The following PRDM16 variants were observed in gnomAD, a reference collection of about 807,000 sequenced individuals.
The protein encoded by PRDM16 is histone-lysine N-methyltransferase PRDM16.
A neutral mutation model predicts 110.6 loss-of-function variants in PRDM16; 23 were observed. The observed-to-expected ratio is 0.21, with a 90% CI of 0.15 to 0.29. The LOEUF is 0.29. Ranked by LOEUF, PRDM16 falls within the 10% of genes least tolerant of loss-of-function variation. The pLI is 1.00. For synonymous variants in PRDM16, 799 were observed against 781.8 expected (o/e 1.02, Z -0.37); for missense variants, 1,615 against 1,794.3 (o/e 0.90, Z 1.81).
intron 1 of PRDM16, chr1:3,133,745 T>C (rs1168640808): frequency 1.3e-5 from 2 of 152,174 alleles, no homozygotes; most frequent in African/African-American, 2.4e-5. Context: ...CCCCTTCATG[T>C]GAGGGAGAAA....
chr1:3,379,291 C>G (rs551792101), intron 3 of PRDM16, among the ~76,000 whole-genome samples: 2 of 29,716 alleles, frequency 6.7e-5, no homozygotes. Flanking sequence ...TCCCAACACA[C>G]CCCTCCCAGC....
chr1:3,427,731 C>T lies in PRDM16; in HGVS notation c.3284+1506C>T, dbSNP rs998833957. Among the ~76,000 whole-genome samples, 15 of 152,262 alleles carry T rather than the reference C, an allele frequency of 9.9e-5. No homozygotes were observed. The Middle Eastern group carries it at 0.01, about 104-fold the overall frequency. On this transcript the variant is annotated intron_variant, in intron 14 of 16. Transcript: ENST00000270722. ...CATCTTCATCCATCAGAGCCCAGAG[C>T]GGGCTCAGAGGAAGGGGCGGGGGGA...
In PRDM16 at chr1:3,341,662, T is replaced by C. The variant is rs76984977; in HGVS notation, c.439-43490T>C. ...TGGAGAAGTGATCATAATAATTCAA[T>C]AGAAAACATACGTCGGGTTTTGAGT... On this transcript the variant is annotated intron_variant, in intron 3 of 16. Transcript: ENST00000270722. 9.2e-5 allele frequency among the ~76,000 whole-genome samples: 14 copies of C among 152,334 alleles called. No individual in the cohort carries two copies. The East Asian group carries it at 2.7e-3, about 29-fold the overall frequency.
At chr1:3,259,660 T>C (rs1640120652) in intron 3 of PRDM16, among the ~76,000 whole-genome samples, 1 of 152,102 alleles carries the variant, frequency 6.6e-6, no homozygotes, top group South Asian at 2.1e-4. Flanking sequence ...CAGTGAAGTG[T>C]TTTGCAGCGT....
intron 1 of PRDM16, among the ~76,000 whole-genome samples, chr1:3,138,687 A>G (rs1304161101): frequency 1.3e-5 from 2 of 152,220 alleles, no homozygotes; most frequent in Non-Finnish European, 2.9e-5. Flanking sequence ...GGGGCAAGAC[A>G]GCGTTCCAGA....
chr1:3,087,120 G>C (rs545508581), intron 1 of PRDM16, among the ~76,000 whole-genome samples: 2 of 152,134 alleles, frequency 1.3e-5, no homozygotes, highest in East Asian at 3.9e-4. Flanking sequence ...GGAGGTGAAG[G>C]GTTAACGTGA....
intron 1 of PRDM16, among the ~76,000 whole-genome samples, chr1:3,122,976 T>C (rs1643127550): frequency 2.0e-5 from 3 of 152,096 alleles, no homozygotes; most frequent in Admixed American, 2.0e-4. Context: ...GGGGTCTTGG[T>C]GCTCAGGGCA....
intron 3 of PRDM16, among the ~76,000 whole-genome samples, chr1:3,323,102 T>C (rs1641799595): frequency 6.6e-6 from 1 of 152,234 alleles, no homozygotes; most frequent in Non-Finnish European, 1.5e-5. Context: ...TAGTGTACTG[T>C]GTGCACTTGG....
chr1:3,091,763 C>T lies in PRDM16; in HGVS notation c.37+22467C>T, dbSNP rs1219260911. Among the ~76,000 whole-genome samples the T allele has an allele frequency of 5.3e-5, 8 of 152,232 alleles. No individual in the cohort carries two copies. In the South Asian group the frequency reaches 1.2e-3, roughly 24 times the overall value. ...TCCATAGATATATGGGTCGTGAGCT[C>T]GGGGTGTAGCCAGCTGCTCCAAGTG... On this transcript the variant is annotated intron_variant, in intron 1 of 16. Transcript: ENST00000270722.
Position 3,190,199 on chromosome 1 carries a change from G to A in PRDM16, c.387+3725G>A, listed in dbSNP as rs967868534. ...CCTTACTTCAAGGTCGTGGGGCAGC[G>A]TTACTTCAAGGTCGTGGGGCAGCCT... On this transcript the variant is annotated intron_variant, in intron 2 of 16. Transcript: ENST00000270722. This position sits in a 1 kb window ranked among gnomAD's most constrained non-coding sequence, Gnocchi z 5.0. 2.3e-4 allele frequency among the ~76,000 whole-genome samples: 34 copies of A among 144,972 alleles called. 2 individuals carry two copies. The South Asian group carries it at 4.6e-3, about 19-fold the overall frequency.
intron 1 of PRDM16, among the ~76,000 whole-genome samples, chr1:3,153,796 G>A (rs751793600): frequency 4.9e-4 from 75 of 152,200 alleles, no homozygotes; most frequent in Non-Finnish European, 4.6e-4. Flanking sequence ...AGCGTGGAAC[G>A]CAAAGTAATA....
In PRDM16 at chr1:3,201,644, A is replaced by C. The variant is rs1638629883; in HGVS notation, c.387+15170A>C. Among the ~76,000 whole-genome samples the C allele has an allele frequency of 6.6e-6, 1 of 152,184 alleles. No individual in the cohort carries two copies. Among genetic ancestry groups the C allele is most frequent in the Admixed American group, 6.5e-5 (1 of 15,282 alleles). ...GGAGCCCCGGCTCTGACGTTTCTCC[A>C]GTGACCCCTGGCAGGTCGGGGACCC... On this transcript the variant is annotated intron_variant, in intron 2 of 16. Transcript: ENST00000270722. This position sits in a 1 kb window ranked among gnomAD's most constrained non-coding sequence, Gnocchi z 4.1.
Position 3,434,895 on chromosome 1 carries a change from C to T in PRDM16, c.*1084C>T. 1 of 231,870 alleles carries T rather than the reference C, an allele frequency of 4.3e-6. No homozygotes were observed. The highest frequency in any genetic ancestry group is 6.1e-5 in the East Asian group (1 of 16,452). The allele number at this position is 231,870 out of a possible 1,614,324, so 14.4% of individuals were successfully genotyped here. A position where few individuals can be genotyped will look rare whatever the true frequency, so the allele number is the denominator to read the frequency against. Reference sequence around the variant, plus strand: ...CACCTCCCACCTGACCCCAGCGGCTCCGGTGTCCTCCACGTGGCTGCCCTG... The same window carrying T: ...CACCTCCCACCTGACCCCAGCGGCTTCGGTGTCCTCCACGTGGCTGCCCTG... On this transcript the variant is annotated 3_prime_UTR_variant, in exon 17 of 17. Coordinates refer to ENST00000270722, the MANE Select transcript of PRDM16 (RefSeq NM_022114.4).
Position 3,411,686 on chromosome 1 carries a change from A to T in PRDM16, c.1489A>T (p.Ser497Cys), listed in dbSNP as rs1643689038. ...EYFPSRPHPG[S>C]LPFSTAPPTF... ...CTTTCCCTCCAGGCCGCACCCGGGGAGCCTGCCCTTCTCCACGGCGCCTCC... is the reference window on the plus strand; with the variant it reads ...CTTTCCCTCCAGGCCGCACCCGGGGTGCCTGCCCTTCTCCACGGCGCCTCC... The change falls in exon 9 of 17, where the codon AGC (serine) becomes TGC (cysteine). Residue 497 changes from serine to cysteine, a missense_variant. Around this residue, in one of 5 missense-constraint regions of PRDM16, gnomAD observed 772 missense variants for 748.3 expected, o/e 1.03. Coordinates refer to ENST00000270722, the MANE Select transcript of PRDM16 (RefSeq NM_022114.4). The T allele has an allele frequency of 1.2e-6, 2 of 1,610,538 alleles. No homozygotes were observed. The highest frequency in any genetic ancestry group is 1.7e-6 in the Non-Finnish European group (2 of 1,177,786).
chr1:3,111,594 G>C (rs930521168), intron 1 of PRDM16, among the ~76,000 whole-genome samples: 1 of 151,700 alleles, frequency 6.6e-6, no homozygotes, highest in African/African-American at 2.4e-5. Flanking sequence ...GGAGGGTGCC[G>C]AGCAAGGTTG....
intron 5 of PRDM16, among the ~76,000 whole-genome samples, chr1:3,399,400 C>A (rs1362406586): frequency 6.6e-6 from 1 of 152,140 alleles, no homozygotes; most frequent in Admixed American, 6.5e-5. Flanking sequence ...ATAAACTATG[C>A]CCCCGTTTCT....
intron 14 of PRDM16, among the ~76,000 whole-genome samples, chr1:3,429,283 G>A (rs1557672019): frequency 6.6e-6 from 1 of 152,238 alleles, no homozygotes; most frequent in East Asian, 1.9e-4. Flanking sequence ...CTCCCTGTTG[G>A]AGCCAAACCA....
Position 3,436,841 on chromosome 1 carries a change from G to A in PRDM16, c.*3030G>A. ...GCCAGGGTCAGGGCTGCAAGCCAGGGGTCCAGGGCCCTTCCGTTCAGCCCA... is the reference window on the plus strand; with the variant it reads ...GCCAGGGTCAGGGCTGCAAGCCAGGAGTCCAGGGCCCTTCCGTTCAGCCCA... On this transcript the variant is annotated 3_prime_UTR_variant, in exon 17 of 17. Transcript: ENST00000270722. The A allele has an allele frequency of 4.3e-6, 1 of 233,226 alleles. No homozygotes were observed. Among genetic ancestry groups the A allele is most frequent in the African/African-American group, 2.2e-5 (1 of 45,456 alleles). 14.4% of individuals were successfully genotyped at this position (233,226 alleles called of 1,614,324 possible).
At chr1:3,433,263 G>A (rs990133764) in intron 16 of PRDM16, among the ~76,000 whole-genome samples, 3 of 152,234 alleles carry the variant, frequency 2.0e-5, no homozygotes, top group Non-Finnish European at 4.4e-5. Context: ...CGTCCCTCCC[G>A]CCGTCACGCC....
Sources: gnomAD v4.1 joint callset for allele counts (sites outside exome capture counted in the v4.1 genomes callset) on GRCh38, gnomAD v4.1.1 for gene constraint, gnomAD v4.1.1 regional missense constraint, Gnocchi (gnomAD v3.1) non-coding constraint, MANE v1.5 for transcripts, NCBI Gene and HGNC (gene_info 2026-07-23, HGNC 2026-07-21) for gene names.